Variants in MICAL3 observed in about 807,000 individuals in gnomAD.
MICAL3 encodes [F-actin]-monooxygenase MICAL3.
Under a neutral mutation model 207.4 loss-of-function variants are expected in MICAL3, and 62 were observed. The observed-to-expected ratio is 0.30, with a 90% CI of 0.24 to 0.37. The LOEUF is 0.37. Among genes scored for constraint, MICAL3 ranks in the 10% least tolerant of loss-of-function variants. The probability of loss-of-function intolerance (pLI) is 1.00; values close to 1 mark genes in which losing one functional copy is unlikely to be tolerated. For missense variants in MICAL3, 2,368 were observed against 2,635.6 expected (o/e 0.90, Z 2.22); for synonymous variants, 1,077 against 1,069.3 (o/e 1.01, Z -0.14).
chr22:17,877,046 GGAGGTTAGGGAGGTTAT>G (rs1928635795), intron 16 of MICAL3, among the ~76,000 whole-genome samples: 1 of 145,466 alleles, frequency 6.9e-6, no homozygotes, highest in Non-Finnish European at 1.5e-5. Flanking sequence ...GGGAGGTTAT[GGAGGTTAGGGAGGTTAT>G]GGAGGTTAGG....
chr22:17,897,935 G>A (rs1930988768), intron 7 of MICAL3, among the ~76,000 whole-genome samples: 1 of 152,142 alleles, frequency 6.6e-6, no homozygotes, highest in Admixed American at 6.5e-5. Context: ...TCTGAAAGTG[G>A]GGCCTACGGT....
chr22:17,998,572 T>C (rs1349105474), intron 1 of MICAL3, among the ~76,000 whole-genome samples: 1 of 150,924 alleles, frequency 6.6e-6, no homozygotes, highest in Non-Finnish European at 1.5e-5. Flanking sequence ...TATTTTTTTT[T>C]TGAGATGAAG....
chr22:17,862,976 A>G, intron 19 of MICAL3: 1 of 985,346 alleles, frequency 1.0e-6, no homozygotes, highest in Non-Finnish European at 1.2e-6. Context: ...CCACGCGGAC[A>G]GAGACGTCCT....
chr22:17,791,639 T>C (rs1365414828), intron 29 of MICAL3: 2 of 337,874 alleles, frequency 5.9e-6, no homozygotes, highest in Non-Finnish European at 1.1e-5. Flanking sequence ...CAATGTTTAT[T>C]TGGCACTTGC....
chr22:17,822,246 G>A (rs1459851731), intron 23 of MICAL3, 76 bp from the exon 24 acceptor site: 15 of 1,513,724 alleles, frequency 9.9e-6, no homozygotes, highest in South Asian at 7.6e-5. Flanking sequence ...GAGCAGCCGC[G>A]CCACTTGCTC....
At chr22:17,912,474 C>T (rs751674098) in intron 1 of MICAL3, among the ~76,000 whole-genome samples, 1 of 151,962 alleles carries the variant, frequency 6.6e-6, no homozygotes, top group Admixed American at 6.6e-5. Flanking sequence ...AACCCATAAG[C>T]GTGAATTTGT....
chr22:18,022,681 G>T (rs1373304614), intron 1 of MICAL3, among the ~76,000 whole-genome samples: 1 of 152,062 alleles, frequency 6.6e-6, no homozygotes, highest in Non-Finnish European at 1.5e-5. Flanking sequence ...TGCCTACCTC[G>T]GGCTCCCAAA....
intron 1 of MICAL3, among the ~76,000 whole-genome samples, chr22:17,949,378 A>G (rs1934225612): frequency 6.6e-6 from 1 of 152,170 alleles, no homozygotes; most frequent in Non-Finnish European, 1.5e-5. Context: ...GAGCAACATT[A>G]TGAGTATAAT....
chr22:17,851,149 G>C (rs1384257629), intron 19 of MICAL3, among the ~76,000 whole-genome samples: 2 of 152,172 alleles, frequency 1.3e-5, no homozygotes, highest in African/African-American at 4.8e-5. Flanking sequence ...TTATGCGCTG[G>C]GATTTGAAAT....
chr22:17,865,663 G>A (rs1476022266), intron 18 of MICAL3, among the ~76,000 whole-genome samples: 1 of 152,238 alleles, frequency 6.6e-6, no homozygotes, highest in Non-Finnish European at 1.5e-5. Flanking sequence ...AGATGTCTAC[G>A]CAGCTGAGAT....
intron 1 of MICAL3, among the ~76,000 whole-genome samples, chr22:17,968,842 A>C (rs1220593364): frequency 6.6e-6 from 1 of 152,200 alleles, no homozygotes; most frequent in Non-Finnish European, 1.5e-5. Context: ...ATGCCTTGTG[A>C]CCAAAAACTA....
intron 1 of MICAL3, among the ~76,000 whole-genome samples, chr22:17,987,825 G>C (rs1444000968): frequency 6.6e-6 from 1 of 152,208 alleles, no homozygotes; most frequent in East Asian, 1.9e-4. Context: ...TCTACACACT[G>C]GAAGAATGAT....
At chr22:18,023,495 A>C (rs1480585355) in intron 1 of MICAL3, among the ~76,000 whole-genome samples, 1 of 152,244 alleles carries the variant, frequency 6.6e-6, no homozygotes, top group Non-Finnish European at 1.5e-5. Context: ...AAAGCATTTT[A>C]GGGAGGAGAG....
At chr22:17,879,294 C>T (rs1243992922) in intron 16 of MICAL3, 5 of 1,509,146 alleles carry the variant, frequency 3.3e-6, no homozygotes, top group Non-Finnish European at 4.5e-6. Context: ...CCACAGCGTG[C>T]CCCGTGTGCT....
At chr22:17,925,631 G>T (rs1361856053) in intron 1 of MICAL3, among the ~76,000 whole-genome samples, 1 of 152,158 alleles carries the variant, frequency 6.6e-6, no homozygotes, top group East Asian at 1.9e-4. Flanking sequence ...CATTCATCTG[G>T]GCTTGGCTGG....
chr22:17,867,542 G>A lies in MICAL3; in HGVS notation c.2429-1530C>T, dbSNP rs1003209083. ...TAAGAAATACCCCTCCTTCCTCCAT[G>A]AGACTGACAGGGGCTGGCAACCACG... On this transcript the variant is annotated intron_variant, in intron 17 of 31. Coordinates refer to ENST00000441493, the MANE Select transcript of MICAL3 (RefSeq NM_015241.3). 5.3e-5 allele frequency among the ~76,000 whole-genome samples: 8 copies of A among 152,216 alleles called. 1 individual carries two copies. In the South Asian group the frequency reaches 1.7e-3, roughly 32 times the overall value.
At position 17,895,338 on chromosome 22, in the gene MICAL3, G is replaced by C; in HGVS notation, c.1395C>G (p.Ile465Met). Residue 465 changes from isoleucine to methionine, a missense_variant, in exon 10 of 32, where the codon ATC becomes ATG. Around this residue, in one of 4 missense-constraint regions of MICAL3, gnomAD observed 147 missense variants for 137.7 expected, o/e 1.07. Coordinates refer to ENST00000441493, the MANE Select transcript of MICAL3 (RefSeq NM_015241.3). Reference protein sequence around the residue: ...NVSKNFSQYSIDPVTRYPNIN... With the variant: ...NVSKNFSQYSMDPVTRYPNIN... ...TATTGGGATACCGAGTGACAGGGTC[G>C]ATACTGTACTGGCTGAAGTTCTTAC... is the stretch of plus-strand genomic sequence containing the variant. 1 of 1,613,704 alleles carries C rather than the reference G, an allele frequency of 6.2e-7. No homozygotes were observed.
intron 1 of MICAL3, among the ~76,000 whole-genome samples, chr22:17,967,748 A>G (rs560215121): frequency 6.6e-6 from 1 of 152,242 alleles, no homozygotes; most frequent in South Asian, 2.1e-4. Flanking sequence ...TCTCTATTGT[A>G]AAAATGACTA....
At chr22:17,829,672 G>A (rs760321687) in intron 21 of MICAL3, among the ~76,000 whole-genome samples, 20 of 152,194 alleles carry the variant, frequency 1.3e-4, no homozygotes, top group Non-Finnish European at 2.6e-4. Context: ...GGGACTTATC[G>A]ACAGCACAAG....
Sources: gnomAD v4.1 joint callset for allele counts (sites outside exome capture counted in the v4.1 genomes callset) on GRCh38, gnomAD v4.1.1 for gene constraint, gnomAD v4.1.1 regional missense constraint, MANE v1.5 for transcripts, NCBI Gene and HGNC (gene_info 2026-07-23, HGNC 2026-07-21) for gene names.